The following SHC2 variants were observed in gnomAD, a reference collection of about 807,000 sequenced individuals.
SHC2 encodes the protein SHC-transforming protein 2.
A neutral mutation model predicts 60.6 loss-of-function variants in SHC2; 62 were observed. The ratio of observed to expected loss-of-function variants is 1.02; its 90% confidence interval spans 0.83 to 1.26. SHC2 has a LOEUF of 1.26. Among genes scored for constraint, SHC2 ranks in the 50% most tolerant of loss-of-function variants. The pLI, the probability that SHC2 is intolerant of heterozygous loss-of-function variation, is 0.00. For missense variants in SHC2, 873 were observed against 822.2 expected (o/e 1.06, Z -0.76); for synonymous variants, 375 against 372.4 (o/e 1.01, Z -0.08).
chr19:422,302 G>A lies in SHC2; in HGVS notation c.1464C>T (p.Tyr488=). 2 of 1,611,964 alleles carry A rather than the reference G, an allele frequency of 1.2e-6. No homozygotes were observed. The highest frequency in any genetic ancestry group is 1.7e-6 in the Non-Finnish European group (2 of 1,179,532). The change falls in exon 11 of 13, where the codon TAC becomes TAT. Residue 488 remains tyrosine, a synonymous_variant. Transcript: ENST00000264554. The surrounding 1 kb of genome is among the most constrained non-coding windows in gnomAD (Gnocchi z 5.0). Reference sequence around the variant, plus strand: ...CCGCCCGGCGGCTCATCCGGCCGTGGTACCAGGGCTCCTGACGCAGCTGTT... The same window carrying A: ...CCGCCCGGCGGCTCATCCGGCCGTGATACCAGGGCTCCTGACGCAGCTGTT... ...TEEQLRQEPW[Y]HGRMSRRAAE...
Position 422,357 on chromosome 19 carries a change from G to A in SHC2, c.1409C>T (p.Thr470Ile). 6.2e-7 allele frequency: 1 copy of A among 1,606,190 alleles called. No individual in the cohort carries two copies. The highest frequency in any genetic ancestry group is 8.5e-7 in the Non-Finnish European group (1 of 1,177,064). The change falls in exon 11 of 13, where the codon ACC (threonine) becomes ATC (isoleucine). Residue 470 changes from threonine (T) to isoleucine (I), a missense_variant. By Grantham distance (89) the Thr-to-Ile change is moderately conservative. Transcript: ENST00000264554. The surrounding 1 kb of genome is among the most constrained non-coding windows in gnomAD (Gnocchi z 5.0). The stretch of plus-strand genomic sequence containing the variant: ...CGTGGGGGCCACAGGGGCCCGGCGG[G>A]TAGGGGGGCTGGGCCACTGGTCCTC... ...PLEDQWPSPP[T>I]RRAPVAPTEE...
rs1975033005 is a variant in SHC2, at chr19:445,562, C to T, written c.469-4630G>A. On this transcript the variant is annotated intron_variant, in intron 1 of 12. Transcript: ENST00000264554. This position sits in a 1 kb window ranked among gnomAD's most constrained non-coding sequence, Gnocchi z 4.4. Reference sequence around the variant, plus strand: ...CAGCCTGGGCAATGTAATGAGGCCTCATCTCTACAAAAGAAAAATTTTTAA... The same window carrying T: ...CAGCCTGGGCAATGTAATGAGGCCTTATCTCTACAAAAGAAAAATTTTTAA... Among the ~76,000 whole-genome samples, 2 of 152,088 alleles carry T rather than the reference C, an allele frequency of 1.3e-5. No homozygotes were observed. The highest frequency in any genetic ancestry group is 2.1e-4 in the South Asian group (1 of 4,826).
In SHC2 at chr19:416,820, C is replaced by A. The variant is rs1450826658; in HGVS notation, c.*508G>T. On this transcript the variant is annotated 3_prime_UTR_variant, in exon 13 of 13. Coordinates refer to ENST00000264554, the MANE Select transcript of SHC2 (RefSeq NM_012435.3). ...GGTGACCTCAAGGCTGCCTGCACTT[C>A]AGCGCCAGCATGTATCCTGGCCTGA... The A allele has an allele frequency of 6.6e-6, 1 of 152,340 alleles. No homozygotes were observed. Among genetic ancestry groups the A allele is most frequent in the African/African-American group, 2.4e-5 (1 of 41,424 alleles). 9.4% of individuals were successfully genotyped at this position (152,340 alleles called of 1,614,324 possible). A position where few individuals can be genotyped will look rare whatever the true frequency, so the allele number is the denominator to read the frequency against.
At chr19:418,295 G>A (rs1354534674) in intron 12 of SHC2, among the ~76,000 whole-genome samples, 2 of 152,234 alleles carry the variant, frequency 1.3e-5, no homozygotes, top group African/African-American at 4.8e-5. Context: ...GCACGCCGCA[G>A]GGGTCCACAA....
Position 419,051 on chromosome 19 carries a change from C to A in SHC2, c.1626G>T (p.Arg542=), listed in dbSNP as rs1974213434. 8 of 1,581,644 alleles carry A rather than the reference C, an allele frequency of 5.1e-6. No individual in the cohort carries two copies. The highest frequency in any genetic ancestry group is 6.9e-6 in the Non-Finnish European group (8 of 1,163,554). The change falls in exon 12 of 13, where the codon CGG becomes CGT. Residue 542 remains arginine, a synonymous_variant. Coordinates refer to ENST00000264554, the MANE Select transcript of SHC2 (RefSeq NM_012435.3). ...LLLVDPEGVV[R]TKDVLFESIS... Reference sequence around the variant, plus strand: ...TGCTCTCAAACAGCACGTCCTTCGTCCGTACCTGCGGGACAGAGACCTCGG... The same window carrying A: ...TGCTCTCAAACAGCACGTCCTTCGTACGTACCTGCGGGACAGAGACCTCGG...
At chr19:434,158 G>C (rs893000887) in intron 8 of SHC2, among the ~76,000 whole-genome samples, 3 of 145,602 alleles carry the variant, frequency 2.1e-5, no homozygotes, top group Admixed American at 6.9e-5. Context: ...TCGTGAGTGA[G>C]ATAGTGAGTG....
At chr19:458,585 TCCG>T (rs1339102006) in intron 1 of SHC2, among the ~76,000 whole-genome samples, 1 of 119,364 alleles carries the variant, frequency 8.4e-6, no homozygotes. Context: ...GGAAGCGGGT[TCCG>T]GGGGACGGGG....
At chr19:429,605 A>G (rs1158651898) in intron 9 of SHC2, among the ~76,000 whole-genome samples, 54 of 131,568 alleles carry the variant, frequency 4.1e-4, no homozygotes, top group African/African-American at 1.4e-3. Flanking sequence ...CAACATGCAG[A>G]GAAACCTAAT....
At chr19:449,462 C>T (rs1174134320) in intron 1 of SHC2, among the ~76,000 whole-genome samples, 1 of 152,196 alleles carries the variant, frequency 6.6e-6, no homozygotes, top group Non-Finnish European at 1.5e-5. Flanking sequence ...TGAATACGCA[C>T]TGAAAATGTG....
At chr19:451,488 T>A (rs915327664) in intron 1 of SHC2, among the ~76,000 whole-genome samples, 5 of 152,274 alleles carry the variant, frequency 3.3e-5, no homozygotes, top group Non-Finnish European at 5.9e-5. Context: ...TATGCTGCTG[T>A]GGCCGTGAGT....
intron 11 of SHC2, among the ~76,000 whole-genome samples, chr19:421,214 T>C (rs1362386159): frequency 1.3e-5 from 2 of 150,388 alleles, no homozygotes; most frequent in African/African-American, 2.4e-5. Flanking sequence ...CTGGCCAATA[T>C]AGTGAAACCC....
At position 460,854 on chromosome 19, in the gene SHC2, G is replaced by A. The variant is rs1013310589; in HGVS notation, c.143C>T (p.Pro48Leu). 14 of 983,638 alleles carry A rather than the reference G, an allele frequency of 1.4e-5. No homozygotes were observed. Among genetic ancestry groups the A allele is most frequent in the Middle Eastern group, 5.2e-4 (1 of 1,938 alleles). The allele number at this position is 983,638 out of a possible 1,614,324, so 60.9% of individuals were successfully genotyped here. A position where few individuals can be genotyped will look rare whatever the true frequency, so the allele number is the denominator to read the frequency against. Reference sequence around the variant, plus strand: ...GGCCCCAGCCGCCCGCGCCGCCGCCGGGCCGCGGCCCAGGAAGCCGCCCGG... The same window carrying A: ...GGCCCCAGCCGCCCGCGCCGCCGCCAGGCCGCGGCCCAGGAAGCCGCCCGG... ...AAPGGFLGRG[P>L]AAARAAGASG... The change falls in exon 1 of 13, where the codon CCG (proline) becomes CTG (leucine). Residue 48 changes from proline to leucine, a missense_variant. By Grantham distance (98) the Pro-to-Leu change is moderately conservative. Coordinates refer to ENST00000264554, the MANE Select transcript of SHC2 (RefSeq NM_012435.3).
rs1270979834 is a variant in SHC2 at position 422,342 on chromosome 19, A to G, written c.1424T>C (p.Val475Ala). ...ACGCAGCTGTTCCTCCGTGGGGGCCACAGGGGCCCGGCGGGTAGGGGGGCT... is the reference window on the plus strand; with the variant it reads ...ACGCAGCTGTTCCTCCGTGGGGGCCGCAGGGGCCCGGCGGGTAGGGGGGCT... ...WPSPPTRRAP[V>A]APTEEQLRQE... Residue 475 changes from valine (V) to alanine (A), a missense_variant, in exon 11 of 13, where the codon GTG becomes GCG. Val to Ala is a moderately conservative substitution (Grantham distance 64). Transcript: ENST00000264554. The surrounding 1 kb of genome is among the most constrained non-coding windows in gnomAD (Gnocchi z 5.0). 6.2e-7 allele frequency: 1 copy of G among 1,609,238 alleles called. No individual in the cohort carries two copies. The highest frequency in any genetic ancestry group is 8.5e-7 in the Non-Finnish European group (1 of 1,178,476).
chr19:447,759 C>A, intron 1 of SHC2, among the ~76,000 whole-genome samples: 1 of 151,546 alleles, frequency 6.6e-6, no homozygotes, highest in African/African-American at 2.4e-5. Flanking sequence ...GCCTGGGTGA[C>A]AAGAACAAAA....
chr19:440,371 TG>T lies in SHC2; in HGVS notation c.539+490del, dbSNP rs1974834571. Among the ~76,000 whole-genome samples, 1 of 152,250 alleles carries T rather than the reference TG, an allele frequency of 6.6e-6. No homozygotes were observed. The highest frequency in any genetic ancestry group is 1.9e-4 in the East Asian group (1 of 5,188). On this transcript the variant is annotated intron_variant, in intron 2 of 12. Coordinates refer to ENST00000264554, the MANE Select transcript of SHC2 (RefSeq NM_012435.3). The surrounding 1 kb of genome is among the most constrained non-coding windows in gnomAD (Gnocchi z 7.0). Reference sequence around the variant, plus strand: ...ATACGCACGTGTAAACTGTCTCACATGGTTTTTTTAAGTCTATACGAATGGA... The same window carrying T: ...ATACGCACGTGTAAACTGTCTCACATGTTTTTTTAAGTCTATACGAATGGA...
Position 422,366 on chromosome 19 carries a change from C to T in SHC2, c.1400G>A (p.Ser467Asn), listed in dbSNP as rs1383401928. ...APLPLEDQWP[S>N]PPTRRAPVAP... is the part of the protein sequence containing the mutation. ...CACAGGGGCCCGGCGGGTAGGGGGG[C>T]TGGGCCACTGGTCCTCCAAGGGAAG... Residue 467 changes from serine to asparagine, a missense_variant, in exon 11 of 13, where the codon AGC (serine) becomes AAC (asparagine). Transcript: ENST00000264554. The surrounding 1 kb of genome is among the most constrained non-coding windows in gnomAD (Gnocchi z 5.0). The T allele has an allele frequency of 6.2e-7, 1 of 1,603,848 alleles. No homozygotes were observed. The highest frequency in any genetic ancestry group is 8.5e-7 in the Non-Finnish European group (1 of 1,176,014).
intron 1 of SHC2, among the ~76,000 whole-genome samples, chr19:447,314 A>AG: frequency 1.6e-5 from 1 of 62,196 alleles, no homozygotes; most frequent in African/African-American, 5.2e-5. Flanking sequence ...GAGGGGGTGG[A>AG]GGGGAGGGAC....
intron 11 of SHC2, chr19:419,401 G>A (rs1433534444): frequency 2.2e-5 from 5 of 229,870 alleles, no homozygotes; most frequent in Non-Finnish European, 4.2e-5. Context: ...GTCCTGGGAC[G>A]AATGCATCCA....
At position 422,371 on chromosome 19, in the gene SHC2, C is replaced by T; in HGVS notation, c.1395G>A (p.Trp465Ter). ...TAAPLPLEDQWPSPPTRRAPV... is the reference protein window; with the variant it reads ...TAAPLPLEDQ ...GGGCCCGGCGGGTAGGGGGGCTGGG[C>T]CACTGGTCCTCCAAGGGAAGAGGGG... Residue 465 changes from tryptophan to a stop codon, truncating the protein, a stop_gained, in exon 11 of 13, where the codon TGG becomes TGA. Coordinates refer to ENST00000264554, the MANE Select transcript of SHC2 (RefSeq NM_012435.3). LOFTEE classifies it high-confidence loss of function. The surrounding 1 kb of genome is among the most constrained non-coding windows in gnomAD (Gnocchi z 5.0). 1.2e-6 allele frequency: 2 copies of T among 1,603,468 alleles called. No homozygotes were observed. The highest frequency in any genetic ancestry group is 1.7e-6 in the Non-Finnish European group (2 of 1,175,840).
Sources: gnomAD v4.1 joint callset for allele counts (sites outside exome capture counted in the v4.1 genomes callset) on GRCh38, gnomAD v4.1.1 for gene constraint, Gnocchi (gnomAD v3.1) non-coding constraint, MANE v1.5 for transcripts, NCBI Gene and HGNC (gene_info 2026-07-23, HGNC 2026-07-21) for gene names.